SPATA13: variants seen among roughly 807,000 people sequenced by gnomAD.
SPATA13 encodes the protein spermatogenesis associated 13, also known as spermatogenesis-associated protein 13.
A neutral mutation model predicts 104.0 loss-of-function variants in SPATA13; 50 were observed. The observed-to-expected ratio is 0.48, with a 90% confidence interval of 0.38 to 0.61. The LOEUF is 0.61. Ranked by LOEUF, SPATA13 falls within the 20% of genes least tolerant of loss-of-function variation. The pLI is 0.00. For missense variants in SPATA13, 1,524 were observed against 1,690.6 expected (o/e 0.90, Z 1.73); for synonymous variants, 606 against 667.5 (o/e 0.91, Z 1.42).
At chr13:24,190,332 T>TTATATATAATATATAATATTATATATTA (rs1869634368) in intron 1 of SPATA13, among the ~76,000 whole-genome samples, 1 of 5,456 alleles carries the variant, frequency 1.8e-4, no homozygotes, top group African/African-American at 1.9e-4. Flanking sequence ...TTATATATTA[T>TTATATATAATATATAATATTATATATTA]TATATATAAT....
chr13:24,280,355 T>A (rs1047580724), intron 4 of SPATA13, among the ~76,000 whole-genome samples: 1 of 152,218 alleles, frequency 6.6e-6, no homozygotes, highest in Admixed American at 6.5e-5. Context: ...CTTTACTGAT[T>A]TTCACAGCAA....
chr13:24,161,017 G>T lies in SPATA13; in HGVS notation c.-112+85G>T. 1.2e-6 allele frequency: 1 copy of T among 826,226 alleles called. No homozygotes were observed. The highest frequency in any genetic ancestry group is 1.5e-6 in the Non-Finnish European group (1 of 684,070). The allele number at this position is 826,226 out of a possible 1,614,324, so 51.2% of individuals were successfully genotyped here. On this transcript the variant is annotated intron_variant, in intron 1 of 12. Transcript: ENST00000382108. This position sits in a 1 kb window ranked among gnomAD's most constrained non-coding sequence, Gnocchi z 4.5. ...GAATATCGGGAGGATTTGAGTCCCA[G>T]TGGACTGCCTCGGGGCTTCGGGATG... is the stretch of plus-strand genomic sequence containing the variant.
At chr13:24,211,098 C>T (rs1391608132) in intron 1 of SPATA13, among the ~76,000 whole-genome samples, 3 of 152,040 alleles carry the variant, frequency 2.0e-5, no homozygotes, top group South Asian at 2.1e-4. Context: ...CTGATTTTTC[C>T]ATGTTGATAT....
intron 3 of SPATA13, among the ~76,000 whole-genome samples, chr13:24,145,941 C>G (rs374874491): frequency 6.6e-6 from 1 of 152,166 alleles, no homozygotes; most frequent in African/African-American, 2.4e-5. Context: ...GACGAGCACT[C>G]CCGACCAAGT....
chr13:24,170,831 A>G (rs890329735), intron 1 of SPATA13, among the ~76,000 whole-genome samples: 4 of 152,080 alleles, frequency 2.6e-5, no homozygotes, highest in Admixed American at 2.6e-4. Context: ...ATTGAGAGAC[A>G]ATTTACAAAC....
chr13:24,167,692 C>T (rs1312399136), intron 1 of SPATA13, among the ~76,000 whole-genome samples: 1 of 152,226 alleles, frequency 6.6e-6, no homozygotes, highest in East Asian at 1.9e-4. Flanking sequence ...CACTCACTCA[C>T]TCACTCCATC....
At chr13:24,174,274 A>G (rs568927297) in intron 1 of SPATA13, among the ~76,000 whole-genome samples, 1 of 152,272 alleles carries the variant, frequency 6.6e-6, no homozygotes, top group Non-Finnish European at 1.5e-5. Flanking sequence ...GTCTTTTCAA[A>G]GAACAGCTCT....
upstream of SPATA13, chr13:24,160,616 T>G (rs1270553912): frequency 1.3e-5 from 8 of 595,016 alleles, no homozygotes; most frequent in Non-Finnish European, 1.6e-5. Flanking sequence ...GGGTGTGGCC[T>G]GAGGGAGTGA....
At chr13:24,149,607 TTC>T (rs1211019824) in intron 3 of SPATA13, among the ~76,000 whole-genome samples, 2 of 152,224 alleles carry the variant, frequency 1.3e-5, no homozygotes, top group Non-Finnish European at 2.9e-5. Context: ...CTCCTAGATC[TTC>T]TGTCACTGTG....
At chr13:23,992,162 A>C (rs961372340) in intron 2 of SPATA13, among the ~76,000 whole-genome samples, 5 of 152,180 alleles carry the variant, frequency 3.3e-5, no homozygotes, top group African/African-American at 1.2e-4. Flanking sequence ...GGTTCTTGGT[A>C]GAAAGTGGAG....
chr13:24,125,385 G>C (rs1437588424), intron 3 of SPATA13, among the ~76,000 whole-genome samples: 1 of 152,140 alleles, frequency 6.6e-6, no homozygotes. Context: ...TCAAGCCTCA[G>C]AGTGTAGGCA....
At chr13:24,219,221 A>G (rs1179502022) in intron 1 of SPATA13, among the ~76,000 whole-genome samples, 2 of 152,222 alleles carry the variant, frequency 1.3e-5, no homozygotes, top group Non-Finnish European at 2.9e-5. Context: ...TTAGTTCTAA[A>G]TAATGCAACT....
At chr13:24,276,772 C>G (rs1875015824) in intron 4 of SPATA13, among the ~76,000 whole-genome samples, 1 of 152,152 alleles carries the variant, frequency 6.6e-6, no homozygotes, top group Non-Finnish European at 1.5e-5. Flanking sequence ...AAGAAGTCAT[C>G]ATTATTAACT....
chr13:24,196,345 GTGTTTTTTAA>G (rs1870055656), intron 1 of SPATA13, among the ~76,000 whole-genome samples: 1 of 152,128 alleles, frequency 6.6e-6, no homozygotes, highest in Non-Finnish European at 1.5e-5. Context: ...TGAATTTACA[GTGTTTTTTAA>G]TGTTACATAA....
Position 24,040,711 on chromosome 13 carries a change from C to T in SPATA13, c.-112+23010C>T, listed in dbSNP as rs147031584. ...TCCTCTCCTGTGGATCCAAATTGTA[C>T]CAATTGAAAGGGGGAAAAGGGTCGC... On this transcript the variant is annotated intron_variant, in intron 3 of 14. Transcript: ENST00000424834. 9.3e-3 allele frequency among the ~76,000 whole-genome samples: 1,423 copies of T among 152,228 alleles called. 15 individuals are homozygous for T. Among genetic ancestry groups the T allele is most frequent in the Non-Finnish European group, 0.016 (1,099 of 68,020 alleles).
intron 1 of SPATA13, among the ~76,000 whole-genome samples, chr13:24,218,351 A>G (rs900936605): frequency 5.3e-5 from 8 of 151,674 alleles, no homozygotes; most frequent in Non-Finnish European, 1.0e-4. Context: ...GTCTAGCATG[A>G]CCCCCAGGTT....
chr13:24,272,385 A>G (rs572210765), intron 4 of SPATA13, among the ~76,000 whole-genome samples: 1 of 152,228 alleles, frequency 6.6e-6, no homozygotes, highest in Non-Finnish European at 1.5e-5. Context: ...GGCCTGGGTC[A>G]GTGCACTGCG....
In SPATA13 at chr13:24,284,222, CCAG is replaced by C. The variant is rs1875748046; in HGVS notation, c.2254_2256del (p.Ser752del). ...TTCAGCTATGAAGACCTCTGCCAGG[CCAG>C]CCCTCGGTACCTGCAGCCCGGCGGG... On this transcript the variant is annotated inframe_deletion, in exon 5 of 13. Coordinates refer to ENST00000382108, the MANE Select transcript of SPATA13 (RefSeq NM_001166271.3). 1 of 1,613,586 alleles carries C rather than the reference CCAG, an allele frequency of 6.2e-7. No homozygotes were observed. The highest frequency in any genetic ancestry group is 1.3e-5 in the African/African-American group (1 of 74,898).
At chr13:24,056,160 AT>A (rs1165904359) in intron 3 of SPATA13, among the ~76,000 whole-genome samples, 1 of 152,230 alleles carries the variant, frequency 6.6e-6, no homozygotes, top group Non-Finnish European at 1.5e-5. Flanking sequence ...AAACAGTTGA[AT>A]AGAGGAAGTG....
Sources: gnomAD v4.1 joint callset for allele counts (sites outside exome capture counted in the v4.1 genomes callset) on GRCh38, gnomAD v4.1.1 for gene constraint, Gnocchi (gnomAD v3.1) non-coding constraint, MANE v1.5 for transcripts, NCBI Gene and HGNC (gene_info 2026-07-23, HGNC 2026-07-21) for gene names.